CDHR3: variants seen among roughly 807,000 people sequenced by gnomAD.
CDHR3 encodes cadherin-related family member 3.
Under a neutral mutation model 86.6 loss-of-function variants are expected in CDHR3, and 79 were observed. The ratio of observed to expected loss-of-function variants is 0.91; its 90% CI spans 0.76 to 1.10. CDHR3 has a LOEUF of 1.10. CDHR3 is among the 50% of genes least tolerant of loss of function. CDHR3 has a pLI of 0.00. For missense variants in CDHR3, 1,081 were observed against 1,077.6 expected, an observed-to-expected ratio of 1.00 and a Z score of -0.04; for synonymous variants, 421 against 402.4, an observed-to-expected ratio of 1.05 and a Z score of -0.55.
rs1359897707 is a variant in CDHR3 at position 106,022,343 on chromosome 7, G to A, written c.1971G>A (p.Leu657=). 6.2e-7 allele frequency: 1 copy of A among 1,614,014 alleles called. No homozygotes were observed. The highest frequency in any genetic ancestry group is 1.1e-5 in the South Asian group (1 of 91,084). The change falls in exon 14 of 19, where the codon TTG becomes TTA. Residue 657 remains leucine (L), a synonymous_variant. Transcript: ENST00000317716. ...TTGTCTACGTAACTGATGACAACTT[G>A]ATGTCTGACAGGAAGAAAGCGGAGG... The part of the protein sequence containing the change: ...KLLVYVTDDN[L]MSDRKKAEAL...
At chr7:105,994,616 T>C in intron 4 of CDHR3, 135 bp from the exon 5 acceptor site, 1 of 682,114 alleles carries the variant, frequency 1.5e-6, no homozygotes, top group Non-Finnish European at 2.7e-6. Flanking sequence ...GGATAACTGC[T>C]CTTTGAACCG....
chr7:105,965,291 A>C (rs1826693121), intron 1 of CDHR3, among the ~76,000 whole-genome samples: 1 of 152,078 alleles, frequency 6.6e-6, no homozygotes, highest in Non-Finnish European at 1.5e-5. Flanking sequence ...GCATCACTAT[A>C]ATAATCTCAA....
chr7:105,993,255 C>T (rs964258822), intron 4 of CDHR3, among the ~76,000 whole-genome samples: 2 of 152,192 alleles, frequency 1.3e-5, no homozygotes, highest in Admixed American at 6.5e-5. Context: ...AGCGTTGCTG[C>T]GATCCTTCAT....
intron 14 of CDHR3, among the ~76,000 whole-genome samples, chr7:106,023,407 A>G (rs1410959760): frequency 6.6e-6 from 1 of 152,226 alleles, no homozygotes; most frequent in African/African-American, 2.4e-5. Context: ...TAGGAAGAAA[A>G]TGACCAGGTG....
chr7:105,985,481 T>C (rs1024384779), intron 4 of CDHR3, among the ~76,000 whole-genome samples: 1 of 152,246 alleles, frequency 6.6e-6, no homozygotes, highest in African/African-American at 2.4e-5. Context: ...TTCTACTGTT[T>C]GCTGCATGAT....
chr7:105,971,094 T>A (rs560196502), intron 1 of CDHR3, among the ~76,000 whole-genome samples: 2 of 147,514 alleles, frequency 1.4e-5, no homozygotes, highest in African/African-American at 2.5e-5. Context: ...TGAGCCAAGA[T>A]CGCGCCACTG....
intron 1 of CDHR3, among the ~76,000 whole-genome samples, chr7:105,974,070 T>C (rs1394108994): frequency 6.6e-6 from 1 of 152,222 alleles, no homozygotes; most frequent in African/African-American, 2.4e-5. Flanking sequence ...AGAATACAGC[T>C]TGTTCCTTTT....
At chr7:105,999,425 C>T (rs1354044899) in intron 6 of CDHR3, among the ~76,000 whole-genome samples, 4 of 152,216 alleles carry the variant, frequency 2.6e-5, no homozygotes, top group Non-Finnish European at 4.4e-5. Context: ...GTTTCTTAAA[C>T]AGCGGAACTG....
At chr7:105,975,846 C>T (rs1291497771) in intron 2 of CDHR3, among the ~76,000 whole-genome samples, 1 of 152,202 alleles carries the variant, frequency 6.6e-6, no homozygotes, top group South Asian at 2.1e-4. Context: ...CCTGCCATTC[C>T]TCTGGGTCCT....
chr7:106,020,394 G>C lies in CDHR3; in HGVS notation c.1675G>C (p.Glu559Gln). 6.2e-7 allele frequency: 1 copy of C among 1,612,762 alleles called. No individual in the cohort carries two copies. Among genetic ancestry groups the C allele is most frequent in the Non-Finnish European group, 8.5e-7 (1 of 1,179,258 alleles). The change falls in exon 13 of 19, where the codon GAA (glutamate) becomes CAA (glutamine). Residue 559 changes from glutamate to glutamine, a missense_variant. Transcript: ENST00000317716. Reference sequence around the variant, plus strand: ...CTAGGTTACTGTGAACATCCTTGAAGAAAATGATGAAAAGCCAATTTGTAC... The same window carrying C: ...CTAGGTTACTGTGAACATCCTTGAACAAAATGATGAAAAGCCAATTTGTAC... ...SVTVTVNILEENDEKPICTPN... is the reference protein window; with the variant it reads ...SVTVTVNILEQNDEKPICTPN...
intron 4 of CDHR3, among the ~76,000 whole-genome samples, chr7:105,985,862 C>A (rs433727): frequency 0.56 from 85,438 of 152,040 alleles, 24,120 homozygotes; most frequent in South Asian, 0.75. Flanking sequence ...TAACCATGGG[C>A]GTGTACATGG....
chr7:106,029,600 C>T (rs1167492720), intron 17 of CDHR3, among the ~76,000 whole-genome samples: 1 of 151,628 alleles, frequency 6.6e-6, no homozygotes, highest in Non-Finnish European at 1.5e-5. Context: ...CTTATCTACC[C>T]CCTGGGAAGT....
At chr7:105,980,827 A>C in intron 2 of CDHR3, 141 bp from the exon 3 acceptor site, 1 of 747,586 alleles carries the variant, frequency 1.3e-6, no homozygotes, top group South Asian at 1.8e-5. Context: ...AGGCAAAACA[A>C]CTGGTTCCTC....
intron 1 of CDHR3, among the ~76,000 whole-genome samples, chr7:105,963,664 TAG>T (rs1826390290): frequency 6.6e-6 from 1 of 152,124 alleles, no homozygotes; most frequent in South Asian, 2.1e-4. Context: ...GTTGGGAAAA[TAG>T]TGTTCATAGC....
chr7:106,004,778 T>G, intron 8 of CDHR3, 91 bp downstream of exon 8: 1 of 1,266,144 alleles, frequency 7.9e-7, no homozygotes. Context: ...AGGAGAATTA[T>G]AAGCATTTGG....
At position 106,020,595 on chromosome 7, in the gene CDHR3, G is replaced by A. The variant is rs1255726239; in HGVS notation, c.1825+51G>A. The A allele has an allele frequency of 4.5e-6, 7 of 1,570,068 alleles. No homozygotes were observed. The African/African-American group carries it at 8.1e-5, about 18-fold the overall frequency. On this transcript the variant is annotated intron_variant, in intron 13 of 18. Transcript: ENST00000317716. The stretch of plus-strand genomic sequence containing the variant: ...TGGCCCTGTCTCTGAGGACCCTGAA[G>A]TTGTCTAGGGTAGGGGTCTGTGCTC...
chr7:105,979,402 C>T (rs540275660), intron 2 of CDHR3, among the ~76,000 whole-genome samples: 10 of 152,298 alleles, frequency 6.6e-5, no homozygotes, highest in African/African-American at 1.9e-4. Flanking sequence ...TCCATACCCT[C>T]TCCTTTCACC....
intron 8 of CDHR3, among the ~76,000 whole-genome samples, chr7:106,010,729 TG>T (rs1834670455): frequency 6.6e-6 from 1 of 152,106 alleles, no homozygotes; most frequent in Non-Finnish European, 1.5e-5. Flanking sequence ...GATGCTAAGA[TG>T]GGATTAAATG....
intron 11 of CDHR3, among the ~76,000 whole-genome samples, chr7:106,017,299 A>G (rs1835779724): frequency 6.6e-6 from 1 of 152,228 alleles, no homozygotes; most frequent in Middle Eastern, 3.4e-3. Flanking sequence ...GCTGACGACT[A>G]TAATCCTAGC....
Sources: allele counts gnomAD v4.1 joint callset (sites outside exome capture counted in the v4.1 genomes callset), GRCh38; gene constraint gnomAD v4.1.1; transcripts MANE v1.5; gene names NCBI Gene and HGNC (gene_info 2026-07-23, HGNC 2026-07-21).